The following MTMR3 variants were observed in gnomAD, a reference collection of about 807,000 sequenced individuals.
MTMR3 encodes phosphatidylinositol-3,5-bisphosphate 3-phosphatase MTMR3.
In MTMR3, 32 loss-of-function variants were observed where a neutral mutation model predicts 132.4. That is an observed-to-expected ratio of 0.24 (90% CI 0.18 to 0.32). The LOEUF (loss-of-function observed/expected upper bound fraction) is 0.32. Among genes scored for constraint, MTMR3 ranks in the 10% least tolerant of loss-of-function variants. The pLI, the probability that MTMR3 is intolerant of heterozygous loss-of-function variation, is 1.00. For missense variants in MTMR3, 1,216 were observed against 1,489.6 expected, an observed-to-expected ratio of 0.82 and a Z score of 3.02; for synonymous variants, 556 against 550.3, an observed-to-expected ratio of 1.01 and a Z score of -0.14.
intron 2 of MTMR3, among the ~76,000 whole-genome samples, chr22:29,960,385 A>AT (rs1264188690): frequency 6.6e-6 from 1 of 152,224 alleles, no homozygotes; most frequent in Non-Finnish European, 1.5e-5. Context: ...TTCTTAGGAA[A>AT]TACATACTGA....
intron 2 of MTMR3, among the ~76,000 whole-genome samples, chr22:29,958,559 C>T (rs2066246064): frequency 2.0e-5 from 3 of 152,276 alleles, no homozygotes; most frequent in South Asian, 4.2e-4. Context: ...GCCATTCCTG[C>T]TCCCCTCTTG....
chr22:29,952,330 C>G (rs2049471020), intron 1 of MTMR3, among the ~76,000 whole-genome samples: 1 of 151,848 alleles, frequency 6.6e-6, no homozygotes, highest in Non-Finnish European at 1.5e-5. Context: ...CATGAAGTTG[C>G]ATCTGGAACC....
intron 1 of MTMR3, among the ~76,000 whole-genome samples, chr22:29,901,102 T>G (rs965977924): frequency 1.3e-5 from 2 of 152,142 alleles, no homozygotes; most frequent in African/African-American, 2.4e-5. Context: ...AGTAAAAATT[T>G]TGGTATTTTG....
chr22:29,885,765 GA>G (rs1161372408), intron 1 of MTMR3, among the ~76,000 whole-genome samples: 1 of 152,190 alleles, frequency 6.6e-6, no homozygotes, highest in African/African-American at 2.4e-5. Context: ...AGGCCATGAG[GA>G]GTGGTAAAGT....
At chr22:29,908,472 C>T (rs1335494609) in intron 1 of MTMR3, among the ~76,000 whole-genome samples, 1 of 152,158 alleles carries the variant, frequency 6.6e-6, no homozygotes, top group Non-Finnish European at 1.5e-5. Flanking sequence ...TGCTTCAGTA[C>T]TCTGAAATAG....
At chr22:30,007,708 T>C (rs1312578835) in intron 10 of MTMR3, 193 bp from the exon 11 acceptor site, 3 of 658,374 alleles carry the variant, frequency 4.6e-6, no homozygotes, top group African/African-American at 1.8e-5. Context: ...TTTTGGAGAA[T>C]AAATCCTTCT....
intron 1 of MTMR3, among the ~76,000 whole-genome samples, chr22:29,947,551 A>G (rs1234289549): frequency 6.6e-6 from 1 of 151,824 alleles, no homozygotes; most frequent in African/African-American, 2.4e-5. Flanking sequence ...GAGTTAAGTA[A>G]AATGATGGTG....
intron 1 of MTMR3, among the ~76,000 whole-genome samples, chr22:29,925,103 G>A (rs911247827): frequency 1.3e-5 from 2 of 152,198 alleles, no homozygotes; most frequent in African/African-American, 4.8e-5. Flanking sequence ...CACAATTACT[G>A]CTCACTGTAG....
At chr22:29,912,486 G>A (rs1319974015) in intron 1 of MTMR3, among the ~76,000 whole-genome samples, 1 of 152,176 alleles carries the variant, frequency 6.6e-6, no homozygotes, top group Non-Finnish European at 1.5e-5. Context: ...TTCTCGCTAT[G>A]TTGCCCAGGC....
intron 1 of MTMR3, among the ~76,000 whole-genome samples, chr22:29,916,161 C>A (rs2065303986): frequency 1.3e-5 from 2 of 152,048 alleles, no homozygotes; most frequent in Non-Finnish European, 2.9e-5. Flanking sequence ...GAGCCTTTGC[C>A]CTCGGGCTAG....
intron 1 of MTMR3, among the ~76,000 whole-genome samples, chr22:29,926,055 C>T (rs2065510824): frequency 6.6e-6 from 1 of 152,206 alleles, no homozygotes; most frequent in African/African-American, 2.4e-5. Context: ...CACTTTCCCA[C>T]TCCTCTTTAG....
In MTMR3 at chr22:30,026,124, ACTGAGGGATGG is replaced by A; in HGVS notation, c.*326_*336del. ...GCCGAGCTGCCTGCTGTCACGTGAC[ACTGAGGGATGG>A]CTTGTTTCTTCCGGGTGGGAGGATG... On this transcript the variant is annotated 3_prime_UTR_variant, in exon 20 of 20. Transcript: ENST00000401950. 3.5e-6 allele frequency: 1 copy of A among 282,004 alleles called. No individual in the cohort carries two copies. The highest frequency in any genetic ancestry group is 6.7e-6 in the Non-Finnish European group (1 of 148,400). The allele number at this position is 282,004 out of a possible 1,614,324, so 17.5% of individuals were successfully genotyped here.
chr22:29,979,214 C>A, intron 5 of MTMR3, 162 bp downstream of exon 5: 1 of 538,544 alleles, frequency 1.9e-6, no homozygotes, highest in South Asian at 2.0e-5. Flanking sequence ...CTGGCTTGGC[C>A]AGGCGCGGTG....
At chr22:30,018,302 C>T (rs1228038951) in intron 16 of MTMR3, 1 of 471,612 alleles carries the variant, frequency 2.1e-6, no homozygotes, top group Non-Finnish European at 3.6e-6. Context: ...TTTGCATACA[C>T]TGAGCCGCTC....
chr22:30,020,103 A>T lies in MTMR3; in HGVS notation c.2444A>T (p.Asp815Val). 6.2e-7 allele frequency: 1 copy of T among 1,614,206 alleles called. No individual in the cohort carries two copies. Among genetic ancestry groups the T allele is most frequent in the Non-Finnish European group, 8.5e-7 (1 of 1,180,026 alleles). The stretch of plus-strand genomic sequence containing the variant: ...GAAGCAGTTCTTCCAATCCCAGTAG[A>T]TGCAAAAGTTGGCTATGGTACCTCA... ...REEAVLPIPV[D>V]AKVGYGTSQS... Residue 815 changes from aspartate (D) to valine (V), a missense_variant, in exon 17 of 20, where the codon GAT (aspartate) becomes GTT (valine). Physicochemically the swap from Asp to Val is radical, Grantham distance 152. Transcript: ENST00000401950.
At chr22:29,895,091 C>T (rs953961617) in intron 1 of MTMR3, among the ~76,000 whole-genome samples, 1 of 151,906 alleles carries the variant, frequency 6.6e-6, no homozygotes, top group African/African-American at 2.4e-5. Context: ...ATCTGTAATC[C>T]CAGCTACTCA....
intron 5 of MTMR3, chr22:29,979,557 A>T (rs897747578): frequency 9.8e-6 from 2 of 203,334 alleles, no homozygotes; most frequent in Non-Finnish European, 1.9e-5. Flanking sequence ...GCTTGATTTA[A>T]AATGATGTGT....
chr22:29,993,318 CTT>C (rs1042914370), intron 7 of MTMR3: 3 of 151,990 alleles, frequency 2.0e-5, no homozygotes, highest in Non-Finnish European at 4.4e-5. Context: ...TTTTATGGCT[CTT>C]TTCAAATTTG....
At chr22:30,020,907 C>T (rs2067728293) in intron 17 of MTMR3, 23 bp downstream of exon 17, 3 of 1,546,096 alleles carry the variant, frequency 1.9e-6, no homozygotes, top group Non-Finnish European at 2.6e-6. Flanking sequence ...TGGTATTCCT[C>T]CATAGCTGCC....
Sources: gnomAD v4.1 joint callset for allele counts (sites outside exome capture counted in the v4.1 genomes callset) on GRCh38, gnomAD v4.1.1 for gene constraint, MANE v1.5 for transcripts, NCBI Gene and HGNC (gene_info 2026-07-23, HGNC 2026-07-21) for gene names.